Variants in CTNNA2 observed in about 807,000 individuals in gnomAD.
CTNNA2 encodes the protein catenin alpha-2.
Under a neutral mutation model 101.0 loss-of-function variants are expected in CTNNA2, and 42 were observed. The observed-to-expected ratio is 0.42, with a 90% CI of 0.32 to 0.54. The LOEUF (loss-of-function observed/expected upper bound fraction) is 0.54, where lower values mean the gene tolerates loss of function less well. Ranked by LOEUF, CTNNA2 falls within the 20% of genes least tolerant of loss-of-function variation. The probability of loss-of-function intolerance (pLI) is 0.14; values close to 1 mark genes in which losing one functional copy is unlikely to be tolerated. For synonymous variants in CTNNA2, 450 were observed against 456.4 expected, an observed-to-expected ratio of 0.99 and a Z score of 0.18; for missense variants, 871 against 1,223.1, an observed-to-expected ratio of 0.71 and a Z score of 4.29.
At chr2:80,344,986 C>T (rs1672601359) in intron 7 of CTNNA2, among the ~76,000 whole-genome samples, 1 of 152,184 alleles carries the variant, frequency 6.6e-6, no homozygotes, top group African/African-American at 2.4e-5. Context: ...CACTTCCGAT[C>T]ACTACCAAAT....
chr2:79,830,125 C>T (rs1449656723), intron 3 of CTNNA2, among the ~76,000 whole-genome samples: 1 of 152,136 alleles, frequency 6.6e-6, no homozygotes, highest in African/African-American at 2.4e-5. Flanking sequence ...TACCTGGGAA[C>T]CTCTGGGGTG....
intron 7 of CTNNA2, among the ~76,000 whole-genome samples, chr2:80,255,986 G>C (rs1415456949): frequency 6.6e-6 from 1 of 152,104 alleles, no homozygotes; most frequent in Non-Finnish European, 1.5e-5. Context: ...TAATGCATTT[G>C]TGTCAGCAGT....
At chr2:80,492,302 G>T (rs1687126444) in intron 9 of CTNNA2, among the ~76,000 whole-genome samples, 1 of 152,032 alleles carries the variant, frequency 6.6e-6, no homozygotes, top group African/African-American at 2.4e-5. Flanking sequence ...GTTTCCTGAG[G>T]ACTCCCCAGC....
intron 17 of CTNNA2, among the ~76,000 whole-genome samples, chr2:80,614,815 C>A (rs899535023): frequency 6.6e-6 from 1 of 151,286 alleles, no homozygotes; most frequent in Non-Finnish European, 1.5e-5. Context: ...GTAATGTTTC[C>A]TTACATTGAA....
At chr2:79,735,618 C>T (rs192553858) in intron 2 of CTNNA2, among the ~76,000 whole-genome samples, 11 of 152,294 alleles carry the variant, frequency 7.2e-5, no homozygotes, top group Middle Eastern at 3.4e-3. Context: ...AGGCTTGCCT[C>T]ATGGCCTTAC....
chr2:80,245,326 T>C (rs1671240139), intron 7 of CTNNA2, among the ~76,000 whole-genome samples: 1 of 152,232 alleles, frequency 6.6e-6, no homozygotes, highest in African/African-American at 2.4e-5. Flanking sequence ...ATCATTTGTT[T>C]TACTAGCATG....
intron 12 of CTNNA2, among the ~76,000 whole-genome samples, 178 bp downstream of exon 12, chr2:80,556,071 TAGG>T (rs1693004172): frequency 6.6e-6 from 1 of 152,230 alleles, no homozygotes; most frequent in Non-Finnish European, 1.5e-5. Context: ...TGAATAATAT[TAGG>T]AGAATGACAG....
intron 1 of CTNNA2, among the ~76,000 whole-genome samples, chr2:79,602,422 A>G (rs781209212): frequency 1.3e-5 from 2 of 152,196 alleles, no homozygotes; most frequent in African/African-American, 2.4e-5. Flanking sequence ...AAATACAGTT[A>G]TAAAGGCAAG....
intron 3 of CTNNA2, among the ~76,000 whole-genome samples, chr2:79,343,185 A>G (rs1158780670): frequency 2.0e-5 from 3 of 152,320 alleles, no homozygotes; most frequent in African/African-American, 7.2e-5. Context: ...CTTAACAGTC[A>G]TTAAAATAAT....
intron 1 of CTNNA2, among the ~76,000 whole-genome samples, chr2:79,627,491 C>T (rs932128196): frequency 2.0e-5 from 3 of 152,116 alleles, no homozygotes; most frequent in Non-Finnish European, 2.9e-5. Flanking sequence ...GTGACAGATC[C>T]GGTAGAACGC....
intron 9 of CTNNA2, among the ~76,000 whole-genome samples, chr2:80,449,965 G>T (rs1683366756): frequency 6.6e-6 from 1 of 152,188 alleles, no homozygotes; most frequent in African/African-American, 2.4e-5. Context: ...GATTGTGGTT[G>T]AATTTCCTGG....
chr2:79,413,049 A>T (rs532294068), intron 4 of CTNNA2, among the ~76,000 whole-genome samples: 1 of 152,208 alleles, frequency 6.6e-6, no homozygotes, highest in African/African-American at 2.4e-5. Context: ...TCTTTCAGCT[A>T]ACAAGTGTCA....
chr2:79,274,008 G>C (rs1160022244), intron 2 of CTNNA2, among the ~76,000 whole-genome samples: 8 of 151,716 alleles, frequency 5.3e-5, no homozygotes, highest in Non-Finnish European at 8.8e-5. Flanking sequence ...TAATTTTTTT[G>C]TTTGTTTTAT....
chr2:79,383,444 G>GTCCCA (rs1678062019), intron 4 of CTNNA2, among the ~76,000 whole-genome samples: 1 of 152,150 alleles, frequency 6.6e-6, no homozygotes, highest in Admixed American at 6.5e-5. Context: ...CTGGGGGAGG[G>GTCCCA]TGAATTACTT....
intron 1 of CTNNA2, among the ~76,000 whole-genome samples, chr2:79,628,854 C>A (rs1033893436): frequency 6.6e-6 from 1 of 152,126 alleles, no homozygotes; most frequent in Non-Finnish European, 1.5e-5. Context: ...TTTCCTTTTT[C>A]TTCACCACTC....
chr2:79,941,687 C>T (rs1410555998), intron 7 of CTNNA2, among the ~76,000 whole-genome samples: 7 of 152,112 alleles, frequency 4.6e-5, no homozygotes, highest in Admixed American at 6.6e-5. Context: ...GACAAGATCT[C>T]GGCTCACTGC....
chr2:80,131,051 TTTTGTTTG>T (rs956279559), intron 7 of CTNNA2, among the ~76,000 whole-genome samples: 1 of 151,954 alleles, frequency 6.6e-6, no homozygotes, highest in Non-Finnish European at 1.5e-5. Context: ...TTTCCTGTTT[TTTTGTTTG>T]TTTGTTTGTT....
At chr2:80,291,991 C>A (rs1050417470) in intron 7 of CTNNA2, among the ~76,000 whole-genome samples, 1 of 152,180 alleles carries the variant, frequency 6.6e-6, no homozygotes, top group Admixed American at 6.5e-5. Context: ...CAACTCCAGA[C>A]TTCACTGCCT....
At chr2:80,392,859 C>T (rs569872004) in intron 7 of CTNNA2, among the ~76,000 whole-genome samples, 10 of 152,266 alleles carry the variant, frequency 6.6e-5, no homozygotes, top group African/African-American at 1.9e-4. Flanking sequence ...AATGTGCCTA[C>T]ACAATATAGA....
Sources: allele counts gnomAD v4.1 joint callset (sites outside exome capture counted in the v4.1 genomes callset), GRCh38; gene constraint gnomAD v4.1.1; transcripts MANE v1.5; gene names NCBI Gene and HGNC (gene_info 2026-07-23, HGNC 2026-07-21).